The following RPTOR variants were observed in gnomAD, a reference collection of about 807,000 sequenced individuals.
RPTOR encodes regulatory-associated protein of mTOR.
A neutral mutation model predicts 169.9 loss-of-function variants in RPTOR; 21 were observed. The ratio of observed to expected loss-of-function variants is 0.12; its 90% CI spans 0.09 to 0.18. The LOEUF (loss-of-function observed/expected upper bound fraction) is 0.18. RPTOR is among the 10% of genes least tolerant of loss of function. The pLI, the probability that RPTOR is intolerant of heterozygous loss-of-function variation, is 1.00. For synonymous variants in RPTOR, 732 were observed against 753.2 expected (o/e 0.97, Z 0.46); for missense variants, 1,133 against 1,855.9 (o/e 0.61, Z 7.16).
At position 80,728,446 on chromosome 17, in the gene RPTOR, GGTGTGT is replaced by G. The variant is rs71367012; in HGVS notation, c.508-2093_508-2088del. Among the ~76,000 whole-genome samples, 561 of 148,276 alleles carry G rather than the reference GGTGTGT, an allele frequency of 3.8e-3. 3 individuals carry two copies. The highest frequency in any genetic ancestry group is 5.6e-3 in the Non-Finnish European group (375 of 66,922). On this transcript the variant is annotated intron_variant, in intron 4 of 33. Transcript: ENST00000306801. ...CATTTAGGTTTTCAGTCCACTCTGG[GGTGTGT>G]GTGTGTGTGTGTGTGTGTGTAATCT...
At chr17:80,694,112 C>T (rs1483818607) in intron 3 of RPTOR, among the ~76,000 whole-genome samples, 1 of 152,264 alleles carries the variant, frequency 6.6e-6, no homozygotes, top group Non-Finnish European at 1.5e-5. Flanking sequence ...AGAGCAAATA[C>T]AGGCGGCTCT....
intron 1 of RPTOR, chr17:80,602,781 A>G (rs2065199736): frequency 1.4e-6 from 1 of 711,050 alleles, no homozygotes; most frequent in Non-Finnish European, 2.6e-6. Flanking sequence ...AAATTTCCGA[A>G]TCTCTCTGAG....
intron 10 of RPTOR, 47 bp downstream of exon 10, chr17:80,838,044 T>C (rs1420549976): frequency 6.6e-7 from 1 of 1,516,736 alleles, no homozygotes; most frequent in Non-Finnish European, 9.0e-7. Context: ...GGCAGCCACT[T>C]CTCTGGGCAC....
rs559845989 is a variant in RPTOR, at chr17:80,953,549, G to A, written c.3370+4002G>A. Among the ~76,000 whole-genome samples the A allele has an allele frequency of 3.4e-3, 515 of 152,382 alleles. 1 individual carries two copies. The highest frequency in any genetic ancestry group is 0.012 in the African/African-American group (479 of 41,586). ...CAGAGTGGGGCCTCAGGGCCTCCTG[G>A]CGCAGCCTCCGGATGGCCGTGCCTC... On this transcript the variant is annotated intron_variant, in intron 28 of 33. Transcript: ENST00000306801.
Position 80,622,579 on chromosome 17 carries a change from C to T in RPTOR, c.163-3112C>T, listed in dbSNP as rs763887852. ...AGACATTCTTCTCCTAGTATATCCA[C>T]GGAGGCAGAGATGCAGTTCCTTTAG... is the stretch of plus-strand genomic sequence containing the variant. On this transcript the variant is annotated intron_variant, in intron 1 of 33. Coordinates refer to ENST00000306801, the MANE Select transcript of RPTOR (RefSeq NM_020761.3). 9.9e-5 allele frequency among the ~76,000 whole-genome samples: 15 copies of T among 152,182 alleles called. 1 individual carries two copies. Among genetic ancestry groups the T allele is most frequent in the East Asian group, 1.9e-4 (1 of 5,196 alleles).
chr17:80,585,189 TA>T (rs1467418442), intron 1 of RPTOR, among the ~76,000 whole-genome samples: 4 of 148,508 alleles, frequency 2.7e-5, no homozygotes, highest in African/African-American at 9.8e-5. Flanking sequence ...TTATTATTAT[TA>T]TTATTATTAT....
chr17:80,569,995 G>A (rs2064886363), intron 1 of RPTOR, among the ~76,000 whole-genome samples: 1 of 152,074 alleles, frequency 6.6e-6, no homozygotes, highest in South Asian at 2.1e-4. Context: ...CTTGCCTTCA[G>A]GCAGGGACTC....
chr17:80,919,465 C>T (rs2068718469), intron 21 of RPTOR, among the ~76,000 whole-genome samples: 2 of 152,328 alleles, frequency 1.3e-5, no homozygotes, highest in African/African-American at 2.4e-5. Context: ...CAGAAGCTGA[C>T]GCTGGCATCC....
intron 4 of RPTOR, among the ~76,000 whole-genome samples, chr17:80,713,869 G>A (rs2066217550): frequency 6.6e-6 from 1 of 152,150 alleles, no homozygotes; most frequent in Non-Finnish European, 1.5e-5. Flanking sequence ...CATAGTTGGA[G>A]GTTAGAAGAT....
intron 6 of RPTOR, among the ~76,000 whole-genome samples, chr17:80,777,097 C>T (rs956576989): frequency 3.3e-5 from 5 of 152,082 alleles, no homozygotes; most frequent in African/African-American, 7.2e-5. Context: ...ATTAGCTGGA[C>T]GTGGTGGTGC....
Position 80,562,292 on chromosome 17 carries a change from G to A in RPTOR, c.162+16501G>A, listed in dbSNP as rs1433512116. 3.3e-5 allele frequency among the ~76,000 whole-genome samples: 5 copies of A among 152,232 alleles called. No individual in the cohort carries two copies. The highest frequency in any genetic ancestry group is 3.3e-4 in the Admixed American group (5 of 15,284). On this transcript the variant is annotated intron_variant, in intron 1 of 33. Transcript: ENST00000306801. The surrounding 1 kb of genome is among the most constrained non-coding windows in gnomAD (Gnocchi z 4.4). ...GTTTGCTTGTGAAAACTTAAGGAAT[G>A]TTTTGGTGGGATATGTTGAAATTGT...
chr17:80,790,393 CCAGCT>C (rs986452005), intron 6 of RPTOR, among the ~76,000 whole-genome samples: 26 of 152,302 alleles, frequency 1.7e-4, no homozygotes, highest in African/African-American at 6.0e-4. Flanking sequence ...TCCAGGATGA[CCAGCT>C]CAGCCTCCCC....
At chr17:80,660,438 A>G (rs2065713737) in intron 3 of RPTOR, among the ~76,000 whole-genome samples, 1 of 152,108 alleles carries the variant, frequency 6.6e-6, no homozygotes, top group Admixed American at 6.5e-5. Flanking sequence ...ACAGTGATGG[A>G]TCGTACAACC....
chr17:80,560,963 A>T (rs2084479201), intron 1 of RPTOR, among the ~76,000 whole-genome samples: 1 of 152,182 alleles, frequency 6.6e-6, no homozygotes, highest in Non-Finnish European at 1.5e-5. Flanking sequence ...GGGGGGCTGG[A>T]CAGGACAGAT....
intron 1 of RPTOR, among the ~76,000 whole-genome samples, chr17:80,603,978 A>G (rs567012608): frequency 3.3e-5 from 5 of 152,358 alleles, no homozygotes; most frequent in African/African-American, 1.2e-4. Flanking sequence ...CCAAGTCCGC[A>G]GACCCCAGCC....
intron 6 of RPTOR, among the ~76,000 whole-genome samples, chr17:80,755,901 C>T (rs762457545): frequency 2.6e-5 from 4 of 152,130 alleles, no homozygotes; most frequent in East Asian, 1.9e-4. Flanking sequence ...CTGCACCCAG[C>T]GGAGCAGAGC....
chr17:80,626,424 T>A (rs565765723), intron 2 of RPTOR, among the ~76,000 whole-genome samples: 4 of 151,938 alleles, frequency 2.6e-5, no homozygotes, highest in Admixed American at 6.6e-5. Flanking sequence ...AAAAAAAAAA[T>A]GGAATGACTG....
chr17:80,546,413 G>A (rs2084275479), intron 1 of RPTOR, among the ~76,000 whole-genome samples: 1 of 152,178 alleles, frequency 6.6e-6, no homozygotes, highest in South Asian at 2.1e-4. Context: ...GAGGCGTCGA[G>A]ACTTGGGTGC....
chr17:80,573,273 T>C (rs1025131999), intron 1 of RPTOR, among the ~76,000 whole-genome samples: 11 of 152,224 alleles, frequency 7.2e-5, no homozygotes, highest in African/African-American at 2.7e-4. Flanking sequence ...GGTTTAACAA[T>C]TAGCTTGACG....
Sources: gnomAD v4.1 joint callset for allele counts (sites outside exome capture counted in the v4.1 genomes callset) on GRCh38, gnomAD v4.1.1 for gene constraint, Gnocchi (gnomAD v3.1) non-coding constraint, MANE v1.5 for transcripts, NCBI Gene and HGNC (gene_info 2026-07-23, HGNC 2026-07-21) for gene names.